The following CADPS2 variants were observed in gnomAD, a reference collection of about 807,000 sequenced individuals.
The protein encoded by CADPS2 is calcium-dependent secretion activator 2.
Under a neutral mutation model 172.5 loss-of-function variants are expected in CADPS2, and 93 were observed. That is an observed-to-expected ratio of 0.54 (90% CI 0.46 to 0.64). The LOEUF is 0.64. CADPS2 is among the 30% of genes least tolerant of loss of function. The probability of loss-of-function intolerance (pLI) is 0.00; values close to 1 mark genes in which losing one functional copy is unlikely to be tolerated. For missense variants in CADPS2, 1,420 were observed against 1,565.9 expected (o/e 0.91, Z 1.57); for synonymous variants, 546 against 555.2 (o/e 0.98, Z 0.23).
chr7:122,499,180 G>T (rs1157685019), intron 9 of CADPS2, among the ~76,000 whole-genome samples: 1 of 152,274 alleles, frequency 6.6e-6, no homozygotes, highest in East Asian at 1.9e-4. Flanking sequence ...AAGATTAATT[G>T]CCCAAGGGCA....
chr7:122,886,247 G>T lies in CADPS2; in HGVS notation c.91C>A (p.Arg31=). ...DVLVAAGSSQ[R]APPAPTREGR... ...TCCCGAGTCGGGGCTGGAGGAGCTC[G>T]CTGCGAGCTGCCGGCTGCCACCAGC... Residue 31 remains arginine (R), a synonymous_variant, in exon 1 of 30, where the codon CGA becomes AGA. Coordinates refer to ENST00000449022, the MANE Select transcript of CADPS2 (RefSeq NM_017954.11). 1.3e-6 allele frequency: 2 copies of T among 1,498,308 alleles called. No individual in the cohort carries two copies. The highest frequency in any genetic ancestry group is 1.3e-5 in the South Asian group (1 of 78,944). 92.8% of individuals were successfully genotyped at this position (1,498,308 alleles called of 1,614,324 possible).
intron 1 of CADPS2, among the ~76,000 whole-genome samples, chr7:122,773,412 T>A (rs1160434516): frequency 6.6e-6 from 1 of 152,052 alleles, no homozygotes; most frequent in Non-Finnish European, 1.5e-5. Flanking sequence ...CACTAAATTA[T>A]CAGCACTAAA....
At chr7:122,421,457 C>T (rs138802690) in intron 17 of CADPS2, among the ~76,000 whole-genome samples, 3 of 152,244 alleles carry the variant, frequency 2.0e-5, no homozygotes, top group African/African-American at 7.2e-5. Flanking sequence ...TGCATCTAGG[C>T]CATGATGATC....
At chr7:122,541,625 A>C in intron 8 of CADPS2, among the ~76,000 whole-genome samples, 1 of 145,010 alleles carries the variant, frequency 6.9e-6, no homozygotes, top group East Asian at 2.0e-4. Context: ...ATATCCATAT[A>C]TATTTTCATA....
At chr7:122,707,342 T>C (rs1400409367) in intron 2 of CADPS2, among the ~76,000 whole-genome samples, 1 of 151,954 alleles carries the variant, frequency 6.6e-6, no homozygotes, top group East Asian at 1.9e-4. Context: ...TTAAATTTTT[T>C]AGAAGGTTAT....
chr7:122,504,427 T>C (rs2059458887), intron 9 of CADPS2, among the ~76,000 whole-genome samples: 2 of 152,142 alleles, frequency 1.3e-5, no homozygotes, highest in African/African-American at 2.4e-5. Context: ...CCTGATTGAC[T>C]TGGGGATTGA....
At chr7:122,403,404 T>C (rs1257210080) in intron 20 of CADPS2, among the ~76,000 whole-genome samples, 2 of 152,076 alleles carry the variant, frequency 1.3e-5, no homozygotes, top group Non-Finnish European at 2.9e-5. Flanking sequence ...CAAATCACCA[T>C]AAAATAAAAG....
Position 122,815,509 on chromosome 7 carries a change from G to A in CADPS2, c.339+70490C>T, listed in dbSNP as rs570274529. 2.2e-4 allele frequency among the ~76,000 whole-genome samples: 34 copies of A among 151,936 alleles called. No individual in the cohort carries two copies. In the South Asian group the frequency reaches 7.1e-3, roughly 32 times the overall value. The stretch of plus-strand genomic sequence containing the variant: ...TAGAAGTCAATGAAAACAAGTATAA[G>A]TTTTCCCTGTCTCACTCAAGAAGGC... On this transcript the variant is annotated intron_variant, in intron 1 of 29. Coordinates refer to ENST00000449022, the MANE Select transcript of CADPS2 (RefSeq NM_017954.11).
At chr7:122,414,230 C>A (rs897591013) in intron 18 of CADPS2, among the ~76,000 whole-genome samples, 154 bp from the exon 19 acceptor site, 1 of 152,016 alleles carries the variant, frequency 6.6e-6, no homozygotes, top group Admixed American at 6.5e-5. Context: ...TTAATAAAGT[C>A]AACTTTATTT....
At position 122,402,526 on chromosome 7, in the gene CADPS2, A is replaced by C. The variant is rs577276042; in HGVS notation, c.2746+5014T>G. 7.2e-4 allele frequency among the ~76,000 whole-genome samples: 110 copies of C among 152,334 alleles called. 2 individuals carry two copies. Among genetic ancestry groups the C allele is most frequent in the African/African-American group, 2.5e-3 (106 of 41,572 alleles). On this transcript the variant is annotated intron_variant, in intron 20 of 29. Coordinates refer to ENST00000449022, the MANE Select transcript of CADPS2 (RefSeq NM_017954.11). ...CTATTTTTAAACATCGAAGCATACA[A>C]ATTTTAATCTAAGGAAGATAAGAAA...
intron 25 of CADPS2, among the ~76,000 whole-genome samples, chr7:122,377,729 C>T (rs920670748): frequency 2.0e-5 from 3 of 152,060 alleles, no homozygotes; most frequent in African/African-American, 7.2e-5. Flanking sequence ...TCACCCCTTC[C>T]CCCCATGGTT....
chr7:122,702,679 AAAGATACT>A (rs1452420781), intron 2 of CADPS2: 1 of 1,613,006 alleles, frequency 6.2e-7, no homozygotes, highest in East Asian at 2.2e-5. Context: ...TAAGTAGTAG[AAAGATACT>A]AAGCCTCAAA....
At position 122,637,171 on chromosome 7, in the gene CADPS2, C is replaced by CTTTTT. The variant is rs71161313; in HGVS notation, c.787-7848_787-7844dup. On this transcript the variant is annotated intron_variant, in intron 3 of 29. Transcript: ENST00000449022. ...CTTCTGACTGCATTATGAAATTTTG[C>CTTTTT]TTTTTTTTTTTTTTTTTTTTTTTTT... is the stretch of plus-strand genomic sequence containing the variant. 3.7e-5 allele frequency among the ~76,000 whole-genome samples: 2 copies of CTTTTT among 53,902 alleles called. 1 individual carries two copies. Among genetic ancestry groups the CTTTTT allele is most frequent in the Non-Finnish European group, 7.4e-5 (2 of 27,198 alleles). 35.4% of individuals were successfully genotyped at this position (53,902 alleles called of 152,430 possible).
chr7:122,848,748 C>G (rs1812712132), intron 1 of CADPS2, among the ~76,000 whole-genome samples: 1 of 152,104 alleles, frequency 6.6e-6, no homozygotes, highest in Non-Finnish European at 1.5e-5. Flanking sequence ...GTGTAAAATG[C>G]CATGACGTCT....
chr7:122,702,236 T>A, intron 2 of CADPS2: 1 of 1,613,868 alleles, frequency 6.2e-7, no homozygotes, highest in East Asian at 2.2e-5. Flanking sequence ...GACTGTCACA[T>A]AGACTCCTTT....
chr7:122,697,654 G>C (rs1388572110), intron 2 of CADPS2: 1 of 727,964 alleles, frequency 1.4e-6, no homozygotes, highest in Non-Finnish European at 2.2e-6. Flanking sequence ...TTTGAGGTTG[G>C]ACAAAGAATG....
At chr7:122,380,568 C>G (rs1470987746) in intron 24 of CADPS2, among the ~76,000 whole-genome samples, 4 of 152,006 alleles carry the variant, frequency 2.6e-5, no homozygotes, top group Non-Finnish European at 5.9e-5. Context: ...CTCCACCCCT[C>G]TCCCCAAGGG....
chr7:122,508,995 G>A (rs1046475815), intron 9 of CADPS2, among the ~76,000 whole-genome samples: 4 of 152,106 alleles, frequency 2.6e-5, no homozygotes, highest in Non-Finnish European at 5.9e-5. Context: ...AAGCTATAAA[G>A]TCATTATGCC....
intron 1 of CADPS2, among the ~76,000 whole-genome samples, chr7:122,750,508 T>C (rs534920750): frequency 1.4e-4 from 21 of 152,252 alleles, no homozygotes; most frequent in Admixed American, 5.2e-4. Context: ...ATAATGCCTT[T>C]GTCTCTTAGG....
Sources: gnomAD v4.1 joint callset for allele counts (sites outside exome capture counted in the v4.1 genomes callset) on GRCh38, gnomAD v4.1.1 for gene constraint, MANE v1.5 for transcripts, NCBI Gene and HGNC (gene_info 2026-07-23, HGNC 2026-07-21) for gene names.